TBC1D14: variants seen among roughly 807,000 people sequenced by gnomAD.
TBC1D14 encodes TBC1 domain family, member 14.
In TBC1D14, 26 loss-of-function variants were observed where a neutral mutation model predicts 79.0. That is an observed-to-expected ratio of 0.33 (90% CI 0.24 to 0.46). The LOEUF (loss-of-function observed/expected upper bound fraction) is 0.46, where lower values mean the gene tolerates loss of function less well. TBC1D14 is among the 20% of genes least tolerant of loss of function. TBC1D14 has a pLI of 1.00. For synonymous variants in TBC1D14, 394 were observed against 349.9 expected, an observed-to-expected ratio of 1.13 and a Z score of -1.40; for missense variants, 769 against 887.6, an observed-to-expected ratio of 0.87 and a Z score of 1.70.
In TBC1D14 at chr4:7,014,476, T is replaced by C. The variant is rs1175084666; in HGVS notation, c.1676T>C (p.Val559Ala). The C allele has an allele frequency of 1.2e-6, 2 of 1,613,716 alleles. No individual in the cohort carries two copies. Among genetic ancestry groups the C allele is most frequent in the Non-Finnish European group, 1.7e-6 (2 of 1,179,744 alleles). The part of the protein sequence containing the change: ...LMLTYFAAFE[V>A]FFEENLPKLF... ...TTGACTTATTTTGCTGCATTTGAAG[T>C]ATTCTTTGAAGAAAATTTGCCGAAA... The change falls in exon 12 of 14, where the codon GTA becomes GCA. Residue 559 changes from valine to alanine, a missense_variant. Val to Ala is a moderately conservative substitution (Grantham distance 64). Coordinates refer to ENST00000409757, the MANE Select transcript of TBC1D14 (RefSeq NM_020773.3).
chr4:6,996,261 G>T, intron 4 of TBC1D14, 64 bp from the exon 5 acceptor site: 1 of 1,371,692 alleles, frequency 7.3e-7, no homozygotes, highest in Non-Finnish European at 1.0e-6. Flanking sequence ...TATGCTTCAG[G>T]TTTTTTCTGA....
In TBC1D14 at chr4:6,991,657, G is replaced by T. The variant is rs532903913; in HGVS notation, c.844-2527G>T. On this transcript the variant is annotated intron_variant, in intron 3 of 13. Transcript: ENST00000409757. ...GTGTCCTTGTGCAGCTGTCTTGTTG[G>T]CGTGGTCTGGGATGGGGCAGCCCCT... Among the ~76,000 whole-genome samples the T allele has an allele frequency of 2.6e-5, 4 of 152,322 alleles. No homozygotes were observed. The South Asian group carries it at 8.3e-4, about 32-fold the overall frequency.
At chr4:6,972,764 G>C (rs1716332034) in intron 3 of TBC1D14, among the ~76,000 whole-genome samples, 1 of 152,102 alleles carries the variant, frequency 6.6e-6, no homozygotes, top group Admixed American at 6.6e-5. Context: ...ACACCCCTGG[G>C]GCATCTCAGC....
chr4:6,925,556 A>G (rs1157459981), intron 2 of TBC1D14, among the ~76,000 whole-genome samples: 1 of 152,180 alleles, frequency 6.6e-6, no homozygotes, highest in East Asian at 1.9e-4. Flanking sequence ...GCCTAAGGCC[A>G]GTCCTGAGTG....
At chr4:6,984,254 G>C (rs1040485720) in intron 3 of TBC1D14, among the ~76,000 whole-genome samples, 1 of 152,174 alleles carries the variant, frequency 6.6e-6, no homozygotes, top group Non-Finnish European at 1.5e-5. Flanking sequence ...CCTCTGCAGA[G>C]GTAGTGCTCA....
intron 2 of TBC1D14, among the ~76,000 whole-genome samples, chr4:6,951,717 T>C (rs1714059479): frequency 6.6e-6 from 1 of 151,818 alleles, no homozygotes; most frequent in South Asian, 2.1e-4. Flanking sequence ...CCCCAGGGGG[T>C]GGAATGGTGG....
intron 3 of TBC1D14, 64 bp downstream of exon 3, chr4:6,967,488 T>G: frequency 1.3e-6 from 2 of 1,562,744 alleles, no homozygotes; most frequent in East Asian, 2.3e-5. Flanking sequence ...TTCATGAACC[T>G]TGCAAAAATG....
At position 7,004,937 on chromosome 4, in the gene TBC1D14, C is replaced by T. The variant is rs753529287; in HGVS notation, c.1351+13C>T. The T allele has an allele frequency of 6.8e-6, 11 of 1,612,150 alleles. No homozygotes were observed. The highest frequency in any genetic ancestry group is 9.3e-6 in the Non-Finnish European group (11 of 1,178,346). ...GTGGAGAACGAAGGTAGAATGTCTT[C>T]TAAAACCAGCGGACTGCTGTGGTCA... On this transcript the variant is annotated intron_variant, in intron 8 of 13. Transcript: ENST00000409757.
intron 2 of TBC1D14, chr4:6,954,414 A>G: frequency 2.8e-6 from 2 of 717,152 alleles, no homozygotes; most frequent in South Asian, 1.5e-5. Flanking sequence ...TCCTGCGTGT[A>G]GCTTTGACAG....
Position 7,032,551 on chromosome 4 carries a change from C to T in TBC1D14, c.*2159C>T, listed in dbSNP as rs554613666. 1 of 152,458 alleles carries T rather than the reference C, an allele frequency of 6.6e-6. No individual in the cohort carries two copies. Among genetic ancestry groups the T allele is most frequent in the South Asian group, 2.1e-4 (1 of 4,826 alleles). 9.4% of individuals were successfully genotyped at this position (152,458 alleles called of 1,614,324 possible). ...ATCCCATGCCAGTGTGGAACACCTT[C>T]CCAATCTTAGTTCAGAAGTGGCTTG... On this transcript the variant is annotated 3_prime_UTR_variant, in exon 14 of 14. Coordinates refer to ENST00000409757, the MANE Select transcript of TBC1D14 (RefSeq NM_020773.3).
intron 2 of TBC1D14, among the ~76,000 whole-genome samples, chr4:6,939,753 G>T (rs116406789): frequency 4.0e-5 from 6 of 151,040 alleles, no homozygotes; most frequent in African/African-American, 1.5e-4. Context: ...GTGGGGGTGG[G>T]GTGGTGGTGT....
chr4:6,989,934 A>G (rs1470089311), intron 3 of TBC1D14, among the ~76,000 whole-genome samples: 1 of 152,218 alleles, frequency 6.6e-6, no homozygotes, highest in African/African-American at 2.4e-5. Flanking sequence ...CAGAGCAGGG[A>G]CTTCGAACAA....
intron 1 of TBC1D14, among the ~76,000 whole-genome samples, chr4:6,914,851 C>T (rs35580914): frequency 0.024 from 3,638 of 152,232 alleles, 57 homozygotes; most frequent in Non-Finnish European, 0.035. Flanking sequence ...CTAGCCTGGC[C>T]AACAGGGTGA....
chr4:7,001,043 C>G, intron 6 of TBC1D14, 102 bp from the exon 7 acceptor site: 2 of 890,432 alleles, frequency 2.2e-6, no homozygotes, highest in Non-Finnish European at 3.6e-6. Flanking sequence ...GTGCCTGATG[C>G]AACGGTGCAT....
At chr4:6,948,707 GTTTTT>G (rs71173474) in intron 2 of TBC1D14, among the ~76,000 whole-genome samples, 1 of 135,402 alleles carries the variant, frequency 7.4e-6, no homozygotes, top group Non-Finnish European at 1.6e-5. Flanking sequence ...GGGGTACTTG[GTTTTT>G]TTTTTTTTTT....
intron 2 of TBC1D14, among the ~76,000 whole-genome samples, chr4:6,937,839 G>A (rs1055610195): frequency 1.3e-5 from 2 of 152,140 alleles, no homozygotes; most frequent in Non-Finnish European, 2.9e-5. Flanking sequence ...AGCCTGGAGG[G>A]TAGTGGGGGG....
chr4:6,940,115 G>A (rs540725762), intron 2 of TBC1D14, among the ~76,000 whole-genome samples: 1 of 152,250 alleles, frequency 6.6e-6, no homozygotes, highest in South Asian at 2.1e-4. Flanking sequence ...GCCGTCCAGT[G>A]TGTTAGCCAC....
chr4:6,978,116 T>TG (rs1197372037), intron 3 of TBC1D14, among the ~76,000 whole-genome samples: 33 of 139,052 alleles, frequency 2.4e-4, no homozygotes, highest in East Asian at 1.9e-3. Context: ...GGGAGGGAGG[T>TG]GGGGGGGTCA....
Position 7,025,112 on chromosome 4 carries a change from C to T in TBC1D14, c.1866C>T (p.Ile622=). The T allele has an allele frequency of 6.2e-7, 1 of 1,614,200 alleles. No individual in the cohort carries two copies. The highest frequency in any genetic ancestry group is 8.5e-7 in the Non-Finnish European group (1 of 1,180,024). ...TCCTGTTCCGCACGGCCCTGGGCAT[C>T]CTGAAGCTGTTCGAGGACATCCTGA... is the stretch of plus-strand genomic sequence containing the variant. ...EEFLFRTALG[I]LKLFEDILTK... is the part of the protein sequence containing the mutation. Residue 622 remains isoleucine (I), a synonymous_variant, in exon 13 of 14, where the codon ATC becomes ATT. Transcript: ENST00000409757.
Sources: gnomAD v4.1 joint callset for allele counts (sites outside exome capture counted in the v4.1 genomes callset) on GRCh38, gnomAD v4.1.1 for gene constraint, MANE v1.5 for transcripts, NCBI Gene and HGNC (gene_info 2026-07-23, HGNC 2026-07-21) for gene names.